TNIK: variants seen among roughly 807,000 people sequenced by gnomAD.
TNIK encodes the protein TRAF2 and NCK-interacting protein kinase.
Under a neutral mutation model 191.3 loss-of-function variants are expected in TNIK, and 49 were observed. The observed-to-expected ratio is 0.26, with a 90% confidence interval of 0.20 to 0.32. TNIK has a LOEUF of 0.32. Among genes scored for constraint, TNIK ranks in the 10% least tolerant of loss-of-function variants. The pLI is 1.00. For missense variants in TNIK, 1,155 were observed against 1,702.3 expected, an observed-to-expected ratio of 0.68 and a Z score of 5.66; for synonymous variants, 594 against 600.9, an observed-to-expected ratio of 0.99 and a Z score of 0.17.
chr3:171,428,706 G>A (rs2108653096), intron 1 of TNIK, among the ~76,000 whole-genome samples: 1 of 142,222 alleles, frequency 7.0e-6, no homozygotes, highest in Non-Finnish European at 1.6e-5. Context: ...GCCAGTAGCT[G>A]CAATTCTGTG....
intron 2 of TNIK, among the ~76,000 whole-genome samples, chr3:171,232,947 ATTG>A (rs1168329554): frequency 9.2e-5 from 14 of 152,310 alleles, no homozygotes; most frequent in Admixed American, 6.5e-4. Context: ...CACTTTTGTT[ATTG>A]TTGTTATTTT....
At chr3:171,094,286 C>G (rs2108420084) in intron 22 of TNIK, among the ~76,000 whole-genome samples, 1 of 152,130 alleles carries the variant, frequency 6.6e-6, no homozygotes, top group South Asian at 2.1e-4. Context: ...AGGCGCCCAC[C>G]ACCACGCCCA....
intron 28 of TNIK, among the ~76,000 whole-genome samples, chr3:171,075,853 C>T (rs1414780374): frequency 4.6e-5 from 7 of 152,010 alleles, no homozygotes; most frequent in Non-Finnish European, 1.0e-4. Flanking sequence ...TCTCCTGCCT[C>T]AGCCTCCCGA....
chr3:171,110,186 C>T (rs776895798), intron 19 of TNIK, among the ~76,000 whole-genome samples: 13 of 152,166 alleles, frequency 8.5e-5, no homozygotes, highest in Non-Finnish European at 1.3e-4. Context: ...GGATTACAGG[C>T]GTGAGCCACC....
At chr3:171,217,593 C>T (rs1227358547) in intron 3 of TNIK, among the ~76,000 whole-genome samples, 4 of 152,004 alleles carry the variant, frequency 2.6e-5, no homozygotes, top group Non-Finnish European at 1.5e-5. Flanking sequence ...TTACTAAGTG[C>T]CTACTATATT....
intron 2 of TNIK, among the ~76,000 whole-genome samples, chr3:171,274,792 C>A (rs1749525605): frequency 6.6e-6 from 1 of 152,066 alleles, no homozygotes; most frequent in Non-Finnish European, 1.5e-5. Flanking sequence ...GGCATAATAT[C>A]CTGAGGAGGT....
intron 2 of TNIK, among the ~76,000 whole-genome samples, chr3:171,279,210 A>T (rs894082500): frequency 6.6e-5 from 10 of 152,182 alleles, no homozygotes; most frequent in Admixed American, 6.5e-4. Flanking sequence ...AAAATAAACT[A>T]AAACAAAAGT....
At chr3:171,212,142 G>C (rs1051708063) in intron 3 of TNIK, among the ~76,000 whole-genome samples, 2 of 152,090 alleles carry the variant, frequency 1.3e-5, no homozygotes, top group African/African-American at 4.8e-5. Flanking sequence ...ACATTATCAT[G>C]ACCTGAAAAA....
intron 2 of TNIK, among the ~76,000 whole-genome samples, chr3:171,238,657 G>T (rs1577213719): frequency 6.6e-6 from 1 of 152,132 alleles, no homozygotes; most frequent in Non-Finnish European, 1.5e-5. Flanking sequence ...TGGAGTCAAG[G>T]TTGAGAAACC....
At position 171,305,999 on chromosome 3, in the gene TNIK, G is replaced by T. The variant is rs562665108; in HGVS notation, c.123+63621C>A. ...CAATGACAGAGTGGATAAATAAAAT[G>T]TAGTACATATATACCATGGAATACT... On this transcript the variant is annotated intron_variant, in intron 2 of 32. Coordinates refer to ENST00000436636, the MANE Select transcript of TNIK (RefSeq NM_015028.4). Among the ~76,000 whole-genome samples the T allele has an allele frequency of 3.2e-4, 49 of 152,230 alleles. No homozygotes were observed. The South Asian group carries it at 9.6e-3, about 30-fold the overall frequency.
In TNIK at chr3:171,188,719, C is replaced by T; in HGVS notation, c.622G>A (p.Ala208Thr). The change falls in exon 7 of 33, where the codon GCC becomes ACC. Residue 208 changes from alanine (A) to threonine (T), a missense_variant. This residue lies in a region of TNIK where 225 missense variants were observed against 438.9 expected (regional missense o/e 0.51). Coordinates refer to ENST00000436636, the MANE Select transcript of TNIK (RefSeq NM_015028.4). ...EVIACDENPD[A>T]TYDFKSDLWS... The stretch of plus-strand genomic sequence containing the variant: ...AGCCATACCTTGAAATCATATGTGG[C>T]ATCTGGGTTTTCATCACAGGCAATA... 1 of 1,613,404 alleles carries T rather than the reference C, an allele frequency of 6.2e-7. No individual in the cohort carries two copies. Among genetic ancestry groups the T allele is most frequent in the East Asian group, 2.2e-5 (1 of 44,872 alleles).
chr3:171,350,869 C>T (rs964490780), intron 2 of TNIK, among the ~76,000 whole-genome samples: 1 of 152,060 alleles, frequency 6.6e-6, no homozygotes, highest in Admixed American at 6.6e-5. Flanking sequence ...GATTCTGGTC[C>T]CAAGGGATAC....
intron 1 of TNIK, among the ~76,000 whole-genome samples, chr3:171,412,544 C>T (rs908768613): frequency 5.3e-5 from 8 of 152,040 alleles, no homozygotes; most frequent in Non-Finnish European, 1.5e-5. Context: ...GTGAGTACTG[C>T]GACTATCAGC....
chr3:171,086,674 C>T (rs916780648), intron 24 of TNIK, among the ~76,000 whole-genome samples: 1 of 152,154 alleles, frequency 6.6e-6, no homozygotes, highest in African/African-American at 2.4e-5. Context: ...CATTTAGGGC[C>T]TTACGTGTGA....
At chr3:171,147,289 C>T (rs1731763019) in intron 12 of TNIK, among the ~76,000 whole-genome samples, 1 of 152,144 alleles carries the variant, frequency 6.6e-6, no homozygotes, top group Non-Finnish European at 1.5e-5. Context: ...CAAAGACACT[C>T]AGAATGAAAG....
chr3:171,382,733 G>A (rs912673590), intron 1 of TNIK, among the ~76,000 whole-genome samples: 3 of 152,136 alleles, frequency 2.0e-5, no homozygotes, highest in African/African-American at 7.2e-5. Flanking sequence ...CATTAGTCTG[G>A]TACTTGGATA....
Position 171,184,583 on chromosome 3 carries a change from C to T in TNIK, c.639+4119G>A, listed in dbSNP as rs538538433. Among the ~76,000 whole-genome samples the T allele has an allele frequency of 1.4e-4, 21 of 152,206 alleles. 1 individual carries two copies. Among genetic ancestry groups the T allele is most frequent in the Non-Finnish European group, 2.6e-4 (18 of 68,014 alleles). ...CTATCTGGGTCATCTTCCTTCTGAT[C>T]GAATAGGGAAGGACCTTTGTTTGAA... On this transcript the variant is annotated intron_variant, in intron 7 of 32. Transcript: ENST00000436636.
intron 2 of TNIK, among the ~76,000 whole-genome samples, chr3:171,241,068 T>C (rs1214874470): frequency 6.6e-6 from 1 of 151,836 alleles, no homozygotes; most frequent in Non-Finnish European, 1.5e-5. Context: ...TCTGCTCTTG[T>C]TGCCCAGTTT....
chr3:171,114,648 A>G (rs950007477), intron 18 of TNIK, among the ~76,000 whole-genome samples: 1 of 152,166 alleles, frequency 6.6e-6, no homozygotes, highest in Non-Finnish European at 1.5e-5. Context: ...GATCATATAA[A>G]TGTAGACCCT....
Sources: gnomAD v4.1 joint callset for allele counts (sites outside exome capture counted in the v4.1 genomes callset) on GRCh38, gnomAD v4.1.1 for gene constraint, gnomAD v4.1.1 regional missense constraint, MANE v1.5 for transcripts, NCBI Gene and HGNC (gene_info 2026-07-23, HGNC 2026-07-21) for gene names.